The following LRP1B variants were observed in gnomAD, a reference collection of about 807,000 sequenced individuals.
LRP1B encodes the protein low-density lipoprotein receptor-related protein 1B.
Under a neutral mutation model 556.6 loss-of-function variants are expected in LRP1B, and 217 were observed. The observed-to-expected ratio is 0.39, with a 90% CI of 0.35 to 0.44. The LOEUF is 0.44. Among genes scored for constraint, LRP1B ranks in the 20% least tolerant of loss-of-function variants. LRP1B has a pLI of 1.00. For missense variants in LRP1B, 5,053 were observed against 5,620.8 expected, an observed-to-expected ratio of 0.90 and a Z score of 3.23; for synonymous variants, 2,047 against 1,865.8, an observed-to-expected ratio of 1.10 and a Z score of -2.50.
intron 86 of LRP1B, among the ~76,000 whole-genome samples, chr2:140,255,049 A>G (rs1172462480): frequency 2.0e-5 from 3 of 152,206 alleles, no homozygotes; most frequent in Non-Finnish European, 4.4e-5. Flanking sequence ...AATTGAAATA[A>G]ACTGAGATAA....
intron 1 of LRP1B, among the ~76,000 whole-genome samples, chr2:141,844,778 C>T (rs1245789711): frequency 1.3e-5 from 2 of 151,702 alleles, no homozygotes; most frequent in Non-Finnish European, 2.9e-5. Flanking sequence ...TTTGAAACAT[C>T]ATGATTTAAG....
intron 75 of LRP1B, among the ~76,000 whole-genome samples, chr2:140,355,967 A>G (rs1023220411): frequency 2.0e-5 from 3 of 151,934 alleles, no homozygotes; most frequent in Admixed American, 6.6e-5. Flanking sequence ...CTATTCCAGT[A>G]TTGCAAATTC....
intron 8 of LRP1B, among the ~76,000 whole-genome samples, chr2:141,060,882 G>A (rs1270641747): frequency 6.6e-6 from 1 of 151,744 alleles, no homozygotes; most frequent in African/African-American, 2.4e-5. Flanking sequence ...GGCAGACTTA[G>A]CATATGTTTA....
At chr2:140,742,140 G>A (rs990576908) in intron 35 of LRP1B, among the ~76,000 whole-genome samples, 1 of 152,162 alleles carries the variant, frequency 6.6e-6, no homozygotes, top group African/African-American at 2.4e-5. Flanking sequence ...AGTAAAGTAA[G>A]TTATTAGGAA....
chr2:140,963,546 T>C (rs1696102999), intron 18 of LRP1B, among the ~76,000 whole-genome samples: 2 of 152,166 alleles, frequency 1.3e-5, no homozygotes, highest in Admixed American at 6.5e-5. Flanking sequence ...ACAAAATATC[T>C]GTCAGCATCA....
At chr2:141,437,334 A>G (rs895779643) in intron 3 of LRP1B, among the ~76,000 whole-genome samples, 2 of 152,106 alleles carry the variant, frequency 1.3e-5, no homozygotes, top group Non-Finnish European at 2.9e-5. Flanking sequence ...GAAGGAAGGA[A>G]AATATTTTTT....
intron 33 of LRP1B, 145 bp from the exon 34 acceptor site, chr2:140,771,151 C>G (rs183443997): frequency 1.8e-6 from 1 of 561,102 alleles, no homozygotes; most frequent in African/African-American, 2.0e-5. Context: ...ACGCTTTATT[C>G]TCTTGAATAA....
Position 141,965,684 on chromosome 2 carries a change from C to T in LRP1B, c.83-155283G>A, listed in dbSNP as rs545029663. Among the ~76,000 whole-genome samples, 16 of 133,248 alleles carry T rather than the reference C, an allele frequency of 1.2e-4. No homozygotes were observed. In the East Asian group the frequency reaches 3.2e-3, roughly 27 times the overall value. 87.4% of individuals were successfully genotyped at this position (133,248 alleles called of 152,430 possible). A position where few individuals can be genotyped will look rare whatever the true frequency, so the allele number is the denominator to read the frequency against. ...GTGGGTGCAGCGCACCAGCATGGCACATGTATACATATGTAACTAACCTGC... is the reference window on the plus strand; with the variant it reads ...GTGGGTGCAGCGCACCAGCATGGCATATGTATACATATGTAACTAACCTGC... On this transcript the variant is annotated intron_variant, in intron 1 of 90. Transcript: ENST00000389484.
chr2:141,842,889 G>T (rs1697524589), intron 1 of LRP1B, among the ~76,000 whole-genome samples: 1 of 152,070 alleles, frequency 6.6e-6, no homozygotes, highest in South Asian at 2.1e-4. Context: ...TTGCTAGAGG[G>T]TTACAATATC....
chr2:141,619,308 C>A (rs906093042), intron 2 of LRP1B, among the ~76,000 whole-genome samples: 1 of 152,172 alleles, frequency 6.6e-6, no homozygotes, highest in Non-Finnish European at 1.5e-5. Context: ...AATCTACGAA[C>A]TCTTTAACAA....
chr2:141,226,100 G>T (rs1051601063), intron 6 of LRP1B, among the ~76,000 whole-genome samples: 3 of 135,644 alleles, frequency 2.2e-5, no homozygotes, highest in African/African-American at 8.0e-5. Context: ...TTATCTAACT[G>T]CTCAGAGTCT....
At chr2:142,091,921 G>A (rs1474438424) in intron 1 of LRP1B, among the ~76,000 whole-genome samples, 3 of 152,154 alleles carry the variant, frequency 2.0e-5, no homozygotes, top group Non-Finnish European at 4.4e-5. Flanking sequence ...AGCTACCCTA[G>A]ACAATTTCCT....
chr2:140,873,806 A>C (rs1401523640), intron 25 of LRP1B, among the ~76,000 whole-genome samples: 1 of 151,904 alleles, frequency 6.6e-6, no homozygotes, highest in Non-Finnish European at 1.5e-5. Context: ...CATTCTTTCA[A>C]AAAAAGTATG....
chr2:141,354,791 A>T (rs1688567344), intron 3 of LRP1B, among the ~76,000 whole-genome samples: 1 of 151,940 alleles, frequency 6.6e-6, no homozygotes, highest in Non-Finnish European at 1.5e-5. Flanking sequence ...AAAAAAACTG[A>T]AAAAAATTTA....
intron 2 of LRP1B, among the ~76,000 whole-genome samples, chr2:141,731,522 G>A (rs1274134560): frequency 1.3e-5 from 2 of 152,084 alleles, no homozygotes; most frequent in African/African-American, 4.8e-5. Flanking sequence ...AGCGTATAAA[G>A]CCACATATTT....
At chr2:140,247,270 A>G in intron 86 of LRP1B, 108 bp from the exon 87 acceptor site, 1 of 708,714 alleles carries the variant, frequency 1.4e-6, no homozygotes, top group Non-Finnish European at 2.6e-6. Context: ...GCCAGTCATC[A>G]CAAATTCATA....
intron 1 of LRP1B, among the ~76,000 whole-genome samples, chr2:142,078,430 A>G (rs1705589574): frequency 6.6e-6 from 1 of 152,004 alleles, no homozygotes; most frequent in Admixed American, 6.6e-5. Context: ...TTTTCTTTTC[A>G]TTGATCAATT....
At chr2:141,039,742 C>T (rs1205012279) in intron 11 of LRP1B, among the ~76,000 whole-genome samples, 2 of 152,058 alleles carry the variant, frequency 1.3e-5, no homozygotes, top group Non-Finnish European at 2.9e-5. Context: ...CTAGAACCCT[C>T]TAGCCACCAT....
chr2:141,187,446 T>A (rs1681311087), intron 7 of LRP1B, among the ~76,000 whole-genome samples: 1 of 152,078 alleles, frequency 6.6e-6, no homozygotes, highest in African/African-American at 2.4e-5. Context: ...CCATCAGACA[T>A]TTCAGCCTGA....
Sources: allele counts gnomAD v4.1 joint callset (sites outside exome capture counted in the v4.1 genomes callset), GRCh38; gene constraint gnomAD v4.1.1; transcripts MANE v1.5; gene names NCBI Gene and HGNC (gene_info 2026-07-23, HGNC 2026-07-21).